Variants in DIP2B observed in about 807,000 individuals in gnomAD.
DIP2B encodes the protein disco-interacting protein 2 homolog B.
DIP2B carries 76 observed loss-of-function variants against 198.0 expected under a neutral mutation model. The ratio of observed to expected loss-of-function variants is 0.38; its 90% CI spans 0.32 to 0.46. The LOEUF (loss-of-function observed/expected upper bound fraction) is 0.46. Among genes scored for constraint, DIP2B ranks in the 20% least tolerant of loss-of-function variants. The probability of loss-of-function intolerance (pLI) is 0.99; values close to 1 mark genes in which losing one functional copy is unlikely to be tolerated. For missense variants in DIP2B, 1,559 were observed against 1,978.4 expected, an observed-to-expected ratio of 0.79 and a Z score of 4.02; for synonymous variants, 701 against 739.1, an observed-to-expected ratio of 0.95 and a Z score of 0.84.
rs1210804634 is a variant in DIP2B at position 50,640,651 on chromosome 12, A to AT, written c.173-72dup. 1.9e-6 allele frequency: 3 copies of AT among 1,540,078 alleles called. No individual in the cohort carries two copies. The East Asian group carries it at 6.9e-5, about 35-fold the overall frequency. ...GTACCTAGCTCAGAGTATTGTGAGA[A>AT]TGCTTAAAGTGCTTTAGAAAATGTT... On this transcript the variant is annotated intron_variant, in intron 2 of 37. Transcript: ENST00000301180.
At chr12:50,552,893 T>A (rs962121358) in intron 1 of DIP2B, among the ~76,000 whole-genome samples, 1 of 152,132 alleles carries the variant, frequency 6.6e-6, no homozygotes, top group Non-Finnish European at 1.5e-5. Flanking sequence ...GAGTCTTCAG[T>A]GGTGCAATCT....
intron 4 of DIP2B, among the ~76,000 whole-genome samples, chr12:50,665,879 G>A (rs1312383810): frequency 6.6e-6 from 1 of 152,060 alleles, no homozygotes; most frequent in Non-Finnish European, 1.5e-5. Flanking sequence ...GTTGTCTTCT[G>A]AATGGTTATA....
chr12:50,507,784 C>T (rs1957980835), intron 1 of DIP2B, among the ~76,000 whole-genome samples: 1 of 152,222 alleles, frequency 6.6e-6, no homozygotes, highest in Non-Finnish European at 1.5e-5. Flanking sequence ...GATCCACCAA[C>T]CTCAGCCTCC....
At chr12:50,582,182 G>A (rs1254525320) in intron 1 of DIP2B, among the ~76,000 whole-genome samples, 23 of 54,010 alleles carry the variant, frequency 4.3e-4, no homozygotes, top group African/African-American at 1.8e-3. Flanking sequence ...GTGGAGTTTC[G>A]TTCTTTTTGT....
At chr12:50,560,821 A>G (rs757627206) in intron 1 of DIP2B, among the ~76,000 whole-genome samples, 75 of 152,300 alleles carry the variant, frequency 4.9e-4, no homozygotes, top group Non-Finnish European at 7.8e-4. Context: ...ATCTTTCTCA[A>G]TTTACAGCCT....
chr12:50,644,069 A>T (rs1938307795), intron 3 of DIP2B, among the ~76,000 whole-genome samples: 2 of 152,250 alleles, frequency 1.3e-5, no homozygotes, highest in Admixed American at 6.5e-5. Context: ...TCAACCAATC[A>T]TAATCAAATC....
chr12:50,669,132 C>T (rs777336625), intron 4 of DIP2B, among the ~76,000 whole-genome samples: 10 of 152,060 alleles, frequency 6.6e-5, no homozygotes, highest in Non-Finnish European at 1.2e-4. Flanking sequence ...TGGTTCCCAT[C>T]CTGCGAAACC....
In DIP2B at chr12:50,708,437, GTCTC is replaced by G; in HGVS notation, c.2535-7_2535-4del. The G allele has an allele frequency of 6.3e-7, 1 of 1,578,328 alleles. No homozygotes were observed. Among genetic ancestry groups the G allele is most frequent in the Non-Finnish European group, 8.6e-7 (1 of 1,159,842 alleles). On this transcript the variant is annotated splice_region_variant and splice_polypyrimidine_tract_variant and intron_variant, in intron 21 of 37. Transcript: ENST00000301180. ...AAGGGAGTCCTGATGTGTTTGATCTGTCTCTCTTAGAATTGCTGTGTTTTCTGTG... is the reference window on the plus strand; with the variant it reads ...AAGGGAGTCCTGATGTGTTTGATCTGTCTTAGAATTGCTGTGTTTTCTGTG...
intron 1 of DIP2B, among the ~76,000 whole-genome samples, chr12:50,553,216 T>C (rs543303909): frequency 8.5e-5 from 13 of 152,222 alleles, no homozygotes; most frequent in Non-Finnish European, 1.8e-4. Flanking sequence ...CCCAGAACCA[T>C]TTGTTGAAGA....
intron 1 of DIP2B, among the ~76,000 whole-genome samples, chr12:50,622,816 T>C (rs1937840200): frequency 6.6e-6 from 1 of 152,216 alleles, no homozygotes; most frequent in Admixed American, 6.5e-5. Context: ...TTCACCATGC[T>C]GGCCAGGCTG....
Position 50,674,528 on chromosome 12 carries a change from C to T in DIP2B, c.695C>T (p.Ser232Phe). Residue 232 changes from serine (S) to phenylalanine (F), a missense_variant, in exon 6 of 38, where the codon TCT becomes TTT. Ser to Phe is a radical substitution (Grantham distance 155). Transcript: ENST00000301180. ...ACAACTACCTCTTCCTCCTCATCATCTTCCTCAATTCGCCCAGCAAACATT... is the reference window on the plus strand; with the variant it reads ...ACAACTACCTCTTCCTCCTCATCATTTTCCTCAATTCGCCCAGCAAACATT... ...VTTTTSSSSS[S>F]SSIRPANIDL... 1 of 1,614,236 alleles carries T rather than the reference C, an allele frequency of 6.2e-7. No individual in the cohort carries two copies. Among genetic ancestry groups the T allele is most frequent in the Non-Finnish European group, 8.5e-7 (1 of 1,180,028 alleles).
chr12:50,581,522 G>A lies in DIP2B; in HGVS notation c.101-44454G>A, dbSNP rs372629204. On this transcript the variant is annotated intron_variant, in intron 1 of 37. Coordinates refer to ENST00000301180, the MANE Select transcript of DIP2B (RefSeq NM_173602.3). ...AAGAGGGAGAGTAAAAAGAAATGTG[G>A]AAGGGGGTAGAGGAGATTGCTAGTA... 4.0e-5 allele frequency among the ~76,000 whole-genome samples: 6 copies of A among 149,270 alleles called. 2 individuals are homozygous for A. In the East Asian group the frequency reaches 9.3e-4, roughly 23 times the overall value.
At chr12:50,634,705 G>A (rs1388615367) in intron 2 of DIP2B, among the ~76,000 whole-genome samples, 1 of 151,992 alleles carries the variant, frequency 6.6e-6, no homozygotes, top group Non-Finnish European at 1.5e-5. Flanking sequence ...CATAGATTGT[G>A]GCCTGTTTGT....
chr12:50,689,682 A>G (rs1466596608), intron 12 of DIP2B, among the ~76,000 whole-genome samples: 1 of 152,184 alleles, frequency 6.6e-6, no homozygotes, highest in Non-Finnish European at 1.5e-5. Flanking sequence ...ATTCCAGGGG[A>G]TTAGTTGACT....
At chr12:50,535,265 A>AT (rs923968923) in intron 1 of DIP2B, among the ~76,000 whole-genome samples, 2 of 151,830 alleles carry the variant, frequency 1.3e-5, no homozygotes, top group African/African-American at 4.8e-5. Flanking sequence ...CTGGGCAGTT[A>AT]TTTTTTAAAG....
chr12:50,691,540 T>G (rs1939221924), intron 13 of DIP2B, among the ~76,000 whole-genome samples: 1 of 152,196 alleles, frequency 6.6e-6, no homozygotes, highest in East Asian at 1.9e-4. Flanking sequence ...ATTCGATATT[T>G]TTGAACTTTA....
At chr12:50,513,271 G>C (rs907132773) in intron 1 of DIP2B, among the ~76,000 whole-genome samples, 1 of 152,142 alleles carries the variant, frequency 6.6e-6, no homozygotes, top group Non-Finnish European at 1.5e-5. Flanking sequence ...TCCATCATCA[G>C]TTGTTCCTGT....
intron 1 of DIP2B, among the ~76,000 whole-genome samples, chr12:50,542,682 T>C (rs913578173): frequency 7.1e-4 from 108 of 152,360 alleles, no homozygotes; most frequent in African/African-American, 2.5e-3. Flanking sequence ...GTATGTCATA[T>C]GTGTGTTCAT....
intron 12 of DIP2B, among the ~76,000 whole-genome samples, chr12:50,688,085 G>A (rs1403339936): frequency 1.3e-5 from 2 of 151,996 alleles, no homozygotes; most frequent in East Asian, 3.9e-4. Flanking sequence ...GATGATGCAC[G>A]TCTGTAGTCC....
Sources: gnomAD v4.1 joint callset for allele counts (sites outside exome capture counted in the v4.1 genomes callset) on GRCh38, gnomAD v4.1.1 for gene constraint, MANE v1.5 for transcripts, NCBI Gene and HGNC (gene_info 2026-07-23, HGNC 2026-07-21) for gene names.